Variants in SERPINI2 observed in about 807,000 individuals in gnomAD.
SERPINI2 encodes serpin I2.
In SERPINI2, 48 loss-of-function variants were observed where a neutral mutation model predicts 47.3. The ratio of observed to expected loss-of-function variants is 1.02; its 90% CI spans 0.81 to 1.29. The LOEUF is 1.29. Ranked by LOEUF, SERPINI2 falls within the 50% of genes most tolerant of loss-of-function variation. The pLI, the probability that SERPINI2 is intolerant of heterozygous loss-of-function variation, is 0.00. For synonymous variants in SERPINI2, 135 were observed against 149.3 expected (o/e 0.90, Z 0.70); for missense variants, 448 against 456.9 (o/e 0.98, Z 0.18).
At chr3:167,459,021 T>G (rs1340851495) in intron 5 of SERPINI2, among the ~76,000 whole-genome samples, 4 of 152,072 alleles carry the variant, frequency 2.6e-5, no homozygotes, top group Non-Finnish European at 5.9e-5. Context: ...CAGAGAAGAA[T>G]CTGGCGGCGT....
At chr3:167,449,453 C>T (rs1486463672) in intron 6 of SERPINI2, 51 bp from the exon 7 acceptor site, 4 of 1,062,868 alleles carry the variant, frequency 3.8e-6, no homozygotes, top group East Asian at 2.5e-5. Flanking sequence ...AAATCAAAAG[C>T]CGTTACCTAT....
upstream of SERPINI2, among the ~76,000 whole-genome samples, chr3:167,474,967 T>C (rs1426587699): frequency 1.3e-5 from 2 of 151,778 alleles, no homozygotes; most frequent in South Asian, 2.1e-4. Context: ...TGAATATAGA[T>C]AGCTTTAAAT....
At chr3:167,458,438 TTTTTTAGTAGAGACGGGG>T (rs1356001546) in intron 5 of SERPINI2, among the ~76,000 whole-genome samples, 1 of 150,332 alleles carries the variant, frequency 6.7e-6, no homozygotes, top group Non-Finnish European at 1.5e-5. Flanking sequence ...TTTTTTTTTT[TTTTTTAGTAGAGACGGGG>T]TTTAACGGTG....
At chr3:167,465,398 C>T in exon 5 of SERPINI2, 1 of 1,602,552 alleles carries the variant, frequency 6.2e-7, no homozygotes, top group Non-Finnish European at 8.5e-7. Flanking sequence ...AGAAAAATAA[C>T]CTGGAATAGA....
chr3:167,454,416 C>A (rs934484357), intron 5 of SERPINI2, among the ~76,000 whole-genome samples: 4 of 152,186 alleles, frequency 2.6e-5, no homozygotes, highest in African/African-American at 9.7e-5. Context: ...TCTATGCCAA[C>A]TGCTTTCACC....
exon 8 of SERPINI2, chr3:167,446,397 G>C (rs1381945253): frequency 6.3e-7 from 1 of 1,598,404 alleles, no homozygotes; most frequent in Non-Finnish European, 8.5e-7. Flanking sequence ...GGTACCTGTT[G>C]GATTATGCTT....
chr3:167,467,316 A>C (rs1449465849), intron 2 of SERPINI2, 31 bp from the exon 3 acceptor site: 3 of 1,469,248 alleles, frequency 2.0e-6, no homozygotes, highest in Non-Finnish European at 2.8e-6. Context: ...ATATTGGCAT[A>C]TTGAACAACA....
chr3:167,463,558 G>A (rs1379885119), intron 5 of SERPINI2, among the ~76,000 whole-genome samples: 1 of 152,048 alleles, frequency 6.6e-6, no homozygotes, highest in Non-Finnish European at 1.5e-5. Flanking sequence ...GTAGTGTCCT[G>A]GGGACTAAAG....
At chr3:167,471,354 T>C (rs1468928505) in intron 2 of SERPINI2, among the ~76,000 whole-genome samples, 1 of 152,126 alleles carries the variant, frequency 6.6e-6, no homozygotes, top group African/African-American at 2.4e-5. Context: ...GTACAAATAT[T>C]TACTTAATTT....
chr3:167,450,017 T>A lies in SERPINI2; in HGVS notation c.965-615A>T, dbSNP rs189861156. Among the ~76,000 whole-genome samples the A allele has an allele frequency of 1.1e-4, 16 of 152,322 alleles. No homozygotes were observed. In the East Asian group the frequency reaches 2.7e-3, roughly 26 times the overall value. ...ATTTGAAGGGACAGAGAGCTTTTCC[T>A]CCCTTAGCCATTGTCTATAGACAGA... On this transcript the variant is annotated intron_variant, in intron 6 of 8. Coordinates refer to ENST00000264677, the Ensembl canonical transcript of SERPINI2.
exon 3 of SERPINI2, chr3:167,467,095 A>G (rs112822679): frequency 6.2e-7 from 1 of 1,613,344 alleles, no homozygotes; most frequent in Admixed American, 1.7e-5. Context: ...TCATCTCTGC[A>G]CAAGCCTTTG....
intron 5 of SERPINI2, among the ~76,000 whole-genome samples, chr3:167,455,896 G>A (rs926950575): frequency 2.0e-5 from 3 of 152,128 alleles, no homozygotes; most frequent in Non-Finnish European, 4.4e-5. Context: ...ACTGAAGGGG[G>A]AAATTTGCCC....
chr3:167,457,061 A>G (rs1749814712), intron 5 of SERPINI2, among the ~76,000 whole-genome samples: 1 of 152,202 alleles, frequency 6.6e-6, no homozygotes, highest in Non-Finnish European at 1.5e-5. Context: ...GGTTTCAACA[A>G]TTGACAAAAG....
intron 5 of SERPINI2, 140 bp downstream of exon 5, chr3:167,465,066 T>C: frequency 1.4e-6 from 1 of 726,358 alleles, no homozygotes; most frequent in Non-Finnish European, 2.2e-6. Flanking sequence ...TATCCAAAAG[T>C]AGAGTAAAAT....
intron 2 of SERPINI2, among the ~76,000 whole-genome samples, chr3:167,467,559 G>A (rs1170270454): frequency 6.6e-6 from 1 of 152,134 alleles, no homozygotes; most frequent in African/African-American, 2.4e-5. Flanking sequence ...GAAGCTGAAG[G>A]AAAGTCCCTC....
At chr3:167,466,404 G>A (rs546500677) in intron 3 of SERPINI2, among the ~76,000 whole-genome samples, 2 of 152,080 alleles carry the variant, frequency 1.3e-5, no homozygotes, top group Non-Finnish European at 2.9e-5. Context: ...TGAGGGCTTG[G>A]TATATGCTTG....
At chr3:167,442,960 TA>T (rs1393006098) in intron 8 of SERPINI2, among the ~76,000 whole-genome samples, 1 of 152,246 alleles carries the variant, frequency 6.6e-6, no homozygotes, top group Non-Finnish European at 1.5e-5. Context: ...TTAAAGCTAA[TA>T]AAATGATATT....
At chr3:167,466,946 C>A in intron 3 of SERPINI2, 109 bp downstream of exon 3, 1 of 627,690 alleles carries the variant, frequency 1.6e-6, no homozygotes, top group Non-Finnish European at 2.6e-6. Flanking sequence ...TATTTGATTC[C>A]TCTGATCCAT....
chr3:167,475,706 T>C (rs1272909798), upstream of SERPINI2, among the ~76,000 whole-genome samples: 1 of 147,524 alleles, frequency 6.8e-6, no homozygotes, highest in Non-Finnish European at 1.5e-5. Flanking sequence ...TACAATTCTA[T>C]TTTGCTCCTA....
Sources: gnomAD v4.1 joint callset for allele counts (sites outside exome capture counted in the v4.1 genomes callset) on GRCh38, gnomAD v4.1.1 for gene constraint, MANE v1.5 for transcripts, NCBI Gene and HGNC (gene_info 2026-07-23, HGNC 2026-07-21) for gene names.